MRPL54: variants seen among roughly 807,000 people sequenced by gnomAD.
MRPL54 encodes large ribosomal subunit protein mL54.
MRPL54 carries 12 observed loss-of-function variants against 15.6 expected under a neutral mutation model. The observed-to-expected ratio is 0.77, with a 90% CI of 0.49 to 1.24. The LOEUF (loss-of-function observed/expected upper bound fraction) is 1.24. MRPL54 is among the 50% of genes most tolerant of loss of function. The probability of loss-of-function intolerance (pLI) is 0.00; values close to 1 mark genes in which losing one functional copy is unlikely to be tolerated. For missense variants in MRPL54, 178 were observed against 186.8 expected (o/e 0.95, Z 0.28); for synonymous variants, 91 against 75.7 (o/e 1.20, Z -1.05).
At chr19:3,763,920 T>G (rs2037174733) in intron 1 of MRPL54, among the ~76,000 whole-genome samples, 2 of 148,728 alleles carry the variant, frequency 1.3e-5, no homozygotes, top group Non-Finnish European at 3.0e-5. Context: ...TCAAAATAAA[T>G]AAATAAATAA....
chr19:3,767,276 C>T lies in MRPL54; in HGVS notation c.300C>T (p.Asn100=). 1.2e-6 allele frequency: 2 copies of T among 1,612,782 alleles called. No homozygotes were observed. The highest frequency in any genetic ancestry group is 4.5e-5 in the East Asian group (2 of 44,608). The change falls in exon 3 of 3, where the codon AAC becomes AAT. Residue 100 remains asparagine, a synonymous_variant. Transcript: ENST00000330133. Reference sequence around the variant, plus strand: ...CCCCCGTCAGGCTGTTCGAGATGAACTTGGGTCCCCCAAAGACCCTGGAGG... The same window carrying T: ...CCCCCGTCAGGCTGTTCGAGATGAATTTGGGTCCCCCAAAGACCCTGGAGG... ...AEYPEWLFEM[N]LGPPKTLEEL...
At chr19:3,763,242 C>A (rs929301352) in intron 1 of MRPL54, among the ~76,000 whole-genome samples, 1 of 152,212 alleles carries the variant, frequency 6.6e-6, no homozygotes, top group Non-Finnish European at 1.5e-5. Context: ...AATTATGGAG[C>A]CCGTTTAATT....
intron 1 of MRPL54, 123 bp from the exon 2 acceptor site, chr19:3,765,043 A>T: frequency 1.4e-5 from 13 of 939,686 alleles, no homozygotes; most frequent in Middle Eastern, 3.4e-4. Flanking sequence ...AAAAAAAAAG[A>T]AAGTTTTGAG....
At chr19:3,763,223 A>C (rs1270096765) in intron 1 of MRPL54, among the ~76,000 whole-genome samples, 1 of 152,268 alleles carries the variant, frequency 6.6e-6, no homozygotes, top group East Asian at 1.9e-4. Flanking sequence ...GTTACCAAAC[A>C]TTCAAAGAAA....
At chr19:3,764,186 C>G (rs920291904) in intron 1 of MRPL54, among the ~76,000 whole-genome samples, 1 of 149,840 alleles carries the variant, frequency 6.7e-6, no homozygotes, top group African/African-American at 2.4e-5. Context: ...GGGTTCACGC[C>G]ATTCTCCTGC....
chr19:3,765,062 A>T, intron 1 of MRPL54, 104 bp from the exon 2 acceptor site: 2 of 1,140,770 alleles, frequency 1.8e-6, no homozygotes, highest in Non-Finnish European at 2.4e-6. Flanking sequence ...AGTGTAGCAG[A>T]GTCCAGCCAG....
chr19:3,764,729 T>G (rs1257028445), intron 1 of MRPL54, among the ~76,000 whole-genome samples: 1 of 149,324 alleles, frequency 6.7e-6, no homozygotes, highest in African/African-American at 2.5e-5. Context: ...ACCCTGTCTT[T>G]AAAAAAAAGT....
rs1347236496 is a variant in MRPL54 at position 3,767,452 on chromosome 19, C to G, written c.*59C>G. 1.3e-6 allele frequency: 2 copies of G among 1,587,908 alleles called. No individual in the cohort carries two copies. The highest frequency in any genetic ancestry group is 2.3e-5 in the South Asian group (2 of 88,206). Reference sequence around the variant, plus strand: ...GAGGGCTTGCCGTTTTCCCGGAGGACGTGGACTTTTGTGAGACAAGAGGCG... The same window carrying G: ...GAGGGCTTGCCGTTTTCCCGGAGGAGGTGGACTTTTGTGAGACAAGAGGCG... On this transcript the variant is annotated 3_prime_UTR_variant, in exon 3 of 3. Transcript: ENST00000330133.
Position 3,765,193 on chromosome 19 carries a change from G to C in MRPL54, c.146G>C (p.Gly49Ala). The C allele has an allele frequency of 6.2e-7, 1 of 1,613,360 alleles. No individual in the cohort carries two copies. Among genetic ancestry groups the C allele is most frequent in the Non-Finnish European group, 8.5e-7 (1 of 1,179,702 alleles). ...PVMKGAKSGKGAVTSEALKDP... is the reference protein window; with the variant it reads ...PVMKGAKSGKAAVTSEALKDP... ...ATGAAGGGGGCCAAATCGGGAAAAG[G>C]TGCAGTGACCAGCGAGGCCCTCAAG... The change falls in exon 2 of 3, where the codon GGT (glycine) becomes GCT (alanine). Residue 49 changes from glycine to alanine, a missense_variant. By Grantham distance (60) the Gly-to-Ala change is moderately conservative (BLOSUM62 0). Transcript: ENST00000330133.
In MRPL54 at chr19:3,767,190, C is replaced by T. The variant is rs574391578; in HGVS notation, c.285-71C>T. On this transcript the variant is annotated intron_variant, in intron 2 of 2. Transcript: ENST00000330133. ...ACCCAGCCCCGTCGCCGCCTCTGCC[C>T]GAGGTGCCCGGGACACCAGGGAGCC... is the stretch of plus-strand genomic sequence containing the variant. 3,461 of 1,537,262 alleles carry T rather than the reference C, an allele frequency of 2.3e-3. 7 individuals carry two copies. The highest frequency in any genetic ancestry group is 2.7e-3 in the Non-Finnish European group (3,150 of 1,149,398).
At chr19:3,765,370 C>T (rs773034465) in intron 2 of MRPL54, 39 bp downstream of exon 2, 5 of 1,603,746 alleles carry the variant, frequency 3.1e-6, no homozygotes, top group Non-Finnish European at 4.3e-6. Flanking sequence ...AATGACTATT[C>T]CTTCCTCCGC....
intron 2 of MRPL54, among the ~76,000 whole-genome samples, chr19:3,765,624 C>T (rs1480872381): frequency 6.6e-6 from 1 of 152,050 alleles, no homozygotes. Context: ...TCAGGCTGGG[C>T]GCCGTGGCTC....
chr19:3,764,356 T>A (rs1039983216), intron 1 of MRPL54, among the ~76,000 whole-genome samples: 1 of 152,052 alleles, frequency 6.6e-6, no homozygotes, highest in African/African-American at 2.4e-5. Flanking sequence ...GAGCTGGGAT[T>A]ACAGGCGTGA....
intron 2 of MRPL54, among the ~76,000 whole-genome samples, chr19:3,765,623 G>A (rs943368448): frequency 2.0e-4 from 30 of 152,032 alleles, no homozygotes; most frequent in African/African-American, 7.0e-4. Flanking sequence ...TTCAGGCTGG[G>A]CGCCGTGGCT....
intron 1 of MRPL54, 127 bp from the exon 2 acceptor site, chr19:3,765,039 A>G: frequency 9.9e-7 from 1 of 1,011,758 alleles, no homozygotes; most frequent in Non-Finnish European, 1.4e-6. Context: ...AAAAAAAAAA[A>G]AAGAAAGTTT....
intron 2 of MRPL54, among the ~76,000 whole-genome samples, chr19:3,766,677 G>T (rs937452418): frequency 6.6e-6 from 1 of 152,232 alleles, no homozygotes; most frequent in African/African-American, 2.4e-5. Context: ...CTTCCAGGAA[G>T]GGGGCAGGAG....
Position 3,762,741 on chromosome 19 carries a change from C to T in MRPL54, c.41C>T (p.Ala14Val), listed in dbSNP as rs764769808. 6.2e-7 allele frequency: 1 copy of T among 1,611,208 alleles called. No individual in the cohort carries two copies. The highest frequency in any genetic ancestry group is 2.2e-5 in the East Asian group (1 of 44,532). The change falls in exon 1 of 3, where the codon GCC (alanine) becomes GTC (valine). Residue 14 changes from alanine to valine, a missense_variant. Physicochemically the swap from Ala to Val is moderately conservative, Grantham distance 64. Transcript: ENST00000330133. ...CTTTTCGGGGCTACCCGGACGTGGG[C>T]CGGCTGGGGGGCCTGGGAGCTCCTA... is the stretch of plus-strand genomic sequence containing the variant. ...KRLFGATRTWAGWGAWELLNP... is the reference protein window; with the variant it reads ...KRLFGATRTWVGWGAWELLNP...
intron 2 of MRPL54, among the ~76,000 whole-genome samples, chr19:3,766,240 G>C (rs745747152): frequency 2.0e-5 from 3 of 152,086 alleles, no homozygotes; most frequent in Non-Finnish European, 4.4e-5. Flanking sequence ...GTCACACCCA[G>C]CTAATTTTTG....
At position 3,765,727 on chromosome 19, in the gene MRPL54, G is replaced by A. The variant is rs187373360; in HGVS notation, c.284+396G>A. On this transcript the variant is annotated intron_variant, in intron 2 of 2. Coordinates refer to ENST00000330133, the MANE Select transcript of MRPL54 (RefSeq NM_172251.3). ...AGCCTGGCCAACATGGTGAAACCTC[G>A]TCTCTACTAAAAATATAAAAATTAG... Among the ~76,000 whole-genome samples, 308 of 151,858 alleles carry A rather than the reference G, an allele frequency of 2.0e-3. 2 individuals are homozygous for A. Among genetic ancestry groups the A allele is most frequent in the African/African-American group, 7.0e-3 (291 of 41,448 alleles).
Sources: allele counts gnomAD v4.1 joint callset (sites outside exome capture counted in the v4.1 genomes callset), GRCh38; gene constraint gnomAD v4.1.1; transcripts MANE v1.5; gene names NCBI Gene and HGNC (gene_info 2026-07-23, HGNC 2026-07-21).